TCF12: variants seen among roughly 807,000 people sequenced by gnomAD.
TCF12 encodes transcription factor 12.
In TCF12, 45 loss-of-function variants were observed where a neutral mutation model predicts 86.0. The observed-to-expected ratio is 0.52, with a 90% CI of 0.41 to 0.67. The LOEUF is 0.67. Among genes scored for constraint, TCF12 ranks in the 30% least tolerant of loss-of-function variants. The probability of loss-of-function intolerance (pLI) is 0.00; values close to 1 mark genes in which losing one functional copy is unlikely to be tolerated. For synonymous variants in TCF12, 330 were observed against 299.6 expected (o/e 1.10, Z -1.05); for missense variants, 881 against 859.9 (o/e 1.02, Z -0.31).
At chr15:57,161,018 C>A (rs140424212) in intron 5 of TCF12, among the ~76,000 whole-genome samples, 1 of 152,080 alleles carries the variant, frequency 6.6e-6, no homozygotes, top group African/African-American at 2.4e-5. Flanking sequence ...CATCTCCTAA[C>A]CTCTTCATCT....
intron 8 of TCF12, among the ~76,000 whole-genome samples, chr15:57,226,338 T>C (rs2058877662): frequency 6.6e-6 from 1 of 152,100 alleles, no homozygotes; most frequent in African/African-American, 2.4e-5. Flanking sequence ...CATATTTTCA[T>C]TTTAAAATTA....
chr15:57,040,913 A>G (rs981216002), intron 3 of TCF12, among the ~76,000 whole-genome samples: 2 of 152,158 alleles, frequency 1.3e-5, no homozygotes, highest in Admixed American at 6.5e-5. Context: ...CATATAGGCT[A>G]TTTTTGTACA....
chr15:57,059,516 C>G (rs1261136985), intron 3 of TCF12, among the ~76,000 whole-genome samples: 1 of 152,040 alleles, frequency 6.6e-6, no homozygotes, highest in African/African-American at 2.4e-5. Flanking sequence ...TCACTTTACC[C>G]TAGTCTTGGT....
chr15:57,024,216 C>CTTTTTTTTGTTTTTTTTTTTTTTTTTTT (rs2065676514), intron 3 of TCF12, among the ~76,000 whole-genome samples: 1 of 111,300 alleles, frequency 9.0e-6, no homozygotes, highest in African/African-American at 3.1e-5. Context: ...AAAAAAGTGT[C>CTTTTTTTTGTTTTTTTTTTTTTTTTTTT]TTTTTTTTTT....
chr15:57,001,749 C>G (rs1194917697), intron 3 of TCF12, among the ~76,000 whole-genome samples: 1 of 152,158 alleles, frequency 6.6e-6, no homozygotes, highest in African/African-American at 2.4e-5. Flanking sequence ...TATATATCAT[C>G]ACATCAATAG....
intron 3 of TCF12, among the ~76,000 whole-genome samples, chr15:57,002,983 A>G (rs1317454163): frequency 6.6e-6 from 1 of 152,328 alleles, no homozygotes; most frequent in East Asian, 1.9e-4. Context: ...TACATCTTTC[A>G]TAGTATGCCA....
intron 3 of TCF12, among the ~76,000 whole-genome samples, chr15:57,035,727 A>G (rs557904657): frequency 6.6e-6 from 1 of 152,244 alleles, no homozygotes; most frequent in South Asian, 2.1e-4. Flanking sequence ...GCCTGTCAGG[A>G]TTAGAAGACT....
intron 5 of TCF12, among the ~76,000 whole-genome samples, chr15:57,119,486 C>G (rs754198445): frequency 6.8e-6 from 1 of 146,162 alleles, no homozygotes. Flanking sequence ...CTTCTTCATA[C>G]TAGATACGAT....
intron 3 of TCF12, among the ~76,000 whole-genome samples, chr15:57,024,666 A>G (rs767856593): frequency 7.2e-5 from 11 of 152,246 alleles, no homozygotes; most frequent in Non-Finnish European, 1.5e-4. Flanking sequence ...CCGGTACTGC[A>G]AAGAAAATAC....
At chr15:57,219,411 C>T in intron 8 of TCF12, 1 of 1,391,890 alleles carries the variant, frequency 7.2e-7, no homozygotes, top group Non-Finnish European at 9.5e-7. Context: ...TTGAGTAGAT[C>T]CATGTGTGAA....
chr15:57,227,115 G>A (rs962785250), intron 8 of TCF12, among the ~76,000 whole-genome samples: 3 of 151,996 alleles, frequency 2.0e-5, no homozygotes, highest in East Asian at 3.9e-4. Flanking sequence ...CACCACACAG[G>A]CTGTAGATCT....
chr15:57,268,286 G>A (rs1177692272), intron 18 of TCF12, among the ~76,000 whole-genome samples: 2 of 152,134 alleles, frequency 1.3e-5, no homozygotes, highest in African/African-American at 4.8e-5. Context: ...GGCTATCTGT[G>A]GACACCACTG....
At chr15:57,263,485 C>T (rs1408590302) in intron 18 of TCF12, among the ~76,000 whole-genome samples, 1 of 152,158 alleles carries the variant, frequency 6.6e-6, no homozygotes, top group Non-Finnish European at 1.5e-5. Flanking sequence ...TTCCTTCATA[C>T]TATACCATTT....
intron 5 of TCF12, among the ~76,000 whole-genome samples, chr15:57,158,783 A>G (rs1162819649): frequency 1.3e-5 from 2 of 152,328 alleles, no homozygotes; most frequent in African/African-American, 4.8e-5. Context: ...CTGCTGCCTC[A>G]TCATTCATAG....
Position 56,919,894 on chromosome 15 carries a change from C to T in TCF12, c.-20C>T. 5.0e-6 allele frequency: 8 copies of T among 1,613,864 alleles called. No individual in the cohort carries two copies. Among genetic ancestry groups the T allele is most frequent in the Non-Finnish European group, 6.8e-6 (8 of 1,179,868 alleles). On this transcript the variant is annotated splice_region_variant and 5_prime_UTR_variant, in exon 2 of 21. Transcript: ENST00000333725. ...TGAGCCCGTTTCCTCTGCCCTAGGA[C>T]CTGCTAGAAGTGGCCGAAGATGAAT...
intron 5 of TCF12, among the ~76,000 whole-genome samples, chr15:57,124,740 C>T (rs189132889): frequency 1.1e-4 from 16 of 151,952 alleles, no homozygotes; most frequent in South Asian, 6.3e-4. Flanking sequence ...TGCAGTGACG[C>T]GATCTCGGCT....
chr15:57,049,309 A>G (rs746880864), intron 3 of TCF12, among the ~76,000 whole-genome samples: 7 of 152,170 alleles, frequency 4.6e-5, no homozygotes, highest in Non-Finnish European at 1.0e-4. Context: ...TTTTATAGAT[A>G]CTTCCGTCTG....
chr15:56,951,121 C>T (rs2061255484), intron 3 of TCF12, among the ~76,000 whole-genome samples: 1 of 152,132 alleles, frequency 6.6e-6, no homozygotes, highest in South Asian at 2.1e-4. Context: ...CTTCAACTCA[C>T]TAAGAAACTG....
chr15:57,225,652 T>A (rs933612196), intron 8 of TCF12, among the ~76,000 whole-genome samples: 14 of 152,164 alleles, frequency 9.2e-5, no homozygotes, highest in African/African-American at 3.4e-4. Context: ...GAAATGGTTT[T>A]TAGGAAATGT....
Sources: gnomAD v4.1 joint callset for allele counts (sites outside exome capture counted in the v4.1 genomes callset) on GRCh38, gnomAD v4.1.1 for gene constraint, MANE v1.5 for transcripts, NCBI Gene and HGNC (gene_info 2026-07-23, HGNC 2026-07-21) for gene names.